Variants in PIK3C2A observed in about 807,000 individuals in gnomAD.
The protein encoded by PIK3C2A is phosphatidylinositol-4-phosphate 3-kinase catalytic subunit type 2 alpha.
PIK3C2A carries 97 observed loss-of-function variants against 204.5 expected under a neutral mutation model. The observed-to-expected ratio is 0.47, with a 90% CI of 0.40 to 0.56. The LOEUF (loss-of-function observed/expected upper bound fraction) is 0.56. PIK3C2A is among the 20% of genes least tolerant of loss of function. The probability of loss-of-function intolerance (pLI) is 0.00; values close to 1 mark genes in which losing one functional copy is unlikely to be tolerated. For synonymous variants in PIK3C2A, 653 were observed against 664.4 expected, an observed-to-expected ratio of 0.98 and a Z score of 0.26; for missense variants, 1,735 against 1,969.2, an observed-to-expected ratio of 0.88 and a Z score of 2.25.
intron 24 of PIK3C2A, 147 bp from the exon 25 acceptor site, chr11:17,101,581 T>G (rs375774815): frequency 2.3e-6 from 1 of 429,906 alleles, no homozygotes; most frequent in African/African-American, 2.0e-5. Flanking sequence ...TTCCATAATT[T>G]TAAAATAACA....
chr11:17,121,535 T>C (rs1300449430), intron 15 of PIK3C2A, among the ~76,000 whole-genome samples: 2 of 152,238 alleles, frequency 1.3e-5, no homozygotes, highest in Admixed American at 6.5e-5. Context: ...AATATACACA[T>C]TATAACCTTG....
chr11:17,192,460 G>A (rs1851977793), intron 1 of PIK3C2A, among the ~76,000 whole-genome samples: 1 of 151,994 alleles, frequency 6.6e-6, no homozygotes, highest in Non-Finnish European at 1.5e-5. Context: ...TGTATTTTTT[G>A]TATTTTTGAG....
At chr11:17,138,654 G>A (rs1849956653) in intron 8 of PIK3C2A, among the ~76,000 whole-genome samples, 1 of 152,106 alleles carries the variant, frequency 6.6e-6, no homozygotes, top group Admixed American at 6.6e-5. Flanking sequence ...TCCTTTAAAA[G>A]GCCAGTTAGT....
At chr11:17,092,782 C>G (rs914098309) in intron 28 of PIK3C2A, among the ~76,000 whole-genome samples, 1 of 152,130 alleles carries the variant, frequency 6.6e-6, no homozygotes, top group Non-Finnish European at 1.5e-5. Context: ...TGTTGATTTC[C>G]TATATTTATT....
chr11:17,177,057 A>T (rs1851361770), intron 1 of PIK3C2A, among the ~76,000 whole-genome samples: 1 of 152,190 alleles, frequency 6.6e-6, no homozygotes, highest in South Asian at 2.1e-4. Context: ...AGCAGCTAGC[A>T]AGTGGTGAAA....
At chr11:17,139,943 G>A (rs760321884) in intron 8 of PIK3C2A, among the ~76,000 whole-genome samples, 2 of 152,072 alleles carry the variant, frequency 1.3e-5, no homozygotes, top group African/African-American at 4.8e-5. Flanking sequence ...AAACTTCCAC[G>A]GCACCTAAAA....
intron 13 of PIK3C2A, 122 bp downstream of exon 13, chr11:17,129,178 A>G: frequency 4.2e-6 from 3 of 710,532 alleles, no homozygotes; most frequent in Middle Eastern, 5.0e-4. Context: ...TTATCACATT[A>G]GAAAAACTGA....
intron 1 of PIK3C2A, among the ~76,000 whole-genome samples, chr11:17,205,118 A>G (rs1852519874): frequency 6.6e-6 from 1 of 151,944 alleles, no homozygotes; most frequent in Non-Finnish European, 1.5e-5. Flanking sequence ...CAAAAGTTTC[A>G]GTGAGCTGAG....
Position 17,122,703 on chromosome 11 carries a change from T to G in PIK3C2A, c.2510A>C (p.Gln837Pro). ...CTACATGTCAAGAAGTACCATTACCTGTAGCACTATTCTTTCCATGACATA... is the reference window on the plus strand; with the variant it reads ...CTACATGTCAAGAAGTACCATTACCGGTAGCACTATTCTTTCCATGACATA... The part of the protein sequence containing the change: ...KGYVMERIVL[Q>P]VDFPSPAFDI... Residue 837 changes from glutamine to proline, a missense_variant and splice_region_variant, in exon 14 of 33, where the codon CAG becomes CCG. Gln to Pro is a moderately conservative substitution (Grantham distance 76). This residue lies in a region of PIK3C2A where 567 missense variants were observed against 576.0 expected (regional missense o/e 0.98). Coordinates refer to ENST00000691414, the MANE Select transcript of PIK3C2A (RefSeq NM_002645.4). The G allele has an allele frequency of 7.9e-7, 1 of 1,273,122 alleles. No homozygotes were observed. Among genetic ancestry groups the G allele is most frequent in the Non-Finnish European group, 1.1e-6 (1 of 874,394 alleles). 78.9% of individuals were successfully genotyped at this position (1,273,122 alleles called of 1,614,324 possible).
chr11:17,160,782 C>G (rs1488466590), intron 2 of PIK3C2A, among the ~76,000 whole-genome samples: 1 of 122,962 alleles, frequency 8.1e-6, no homozygotes, highest in Admixed American at 7.8e-5. Context: ...CGAGGTTGCA[C>G]CATTACACTC....
chr11:17,116,635 G>C (rs1412850868), intron 19 of PIK3C2A, among the ~76,000 whole-genome samples: 4 of 151,790 alleles, frequency 2.6e-5, no homozygotes, highest in South Asian at 4.2e-4. Context: ...TGTCGCCCAG[G>C]CTGGAGTATA....
intron 17 of PIK3C2A, 74 bp from the exon 18 acceptor site, chr11:17,118,813 G>C: frequency 1.4e-6 from 1 of 710,970 alleles, no homozygotes; most frequent in Non-Finnish European, 2.4e-6. Context: ...TATCAAAAGA[G>C]AAACTATATA....
chr11:17,174,311 GGCGC>G (rs1851269283), intron 1 of PIK3C2A, among the ~76,000 whole-genome samples: 1 of 28,096 alleles, frequency 3.6e-5, no homozygotes, highest in Non-Finnish European at 6.7e-5. Context: ...ACAGCGGCCG[GGCGC>G]GGTGGCTCAC....
At chr11:17,104,058 A>G (rs1324954205) in intron 23 of PIK3C2A, among the ~76,000 whole-genome samples, 1 of 152,204 alleles carries the variant, frequency 6.6e-6, no homozygotes, top group Admixed American at 6.5e-5. Flanking sequence ...TGGCACGTGT[A>G]TGTCTATAAA....
intron 8 of PIK3C2A, among the ~76,000 whole-genome samples, chr11:17,139,352 C>T (rs956465590): frequency 1.3e-5 from 2 of 152,070 alleles, no homozygotes; most frequent in African/African-American, 2.4e-5. Flanking sequence ...CTCAGCCTCC[C>T]GAGAAGGTGG....
At chr11:17,192,099 C>T (rs952045354) in intron 1 of PIK3C2A, among the ~76,000 whole-genome samples, 6 of 152,018 alleles carry the variant, frequency 3.9e-5, no homozygotes, top group African/African-American at 9.7e-5. Context: ...AAGCGGAGAT[C>T]GCACCACTGC....
intron 2 of PIK3C2A, among the ~76,000 whole-genome samples, chr11:17,166,382 A>G (rs376954108): frequency 1.3e-5 from 2 of 152,228 alleles, no homozygotes; most frequent in Non-Finnish European, 2.9e-5. Context: ...AGCTTTGGAC[A>G]GTAAATAACC....
intron 19 of PIK3C2A, among the ~76,000 whole-genome samples, chr11:17,115,937 G>A (rs1468915747): frequency 6.6e-6 from 1 of 152,044 alleles, no homozygotes; most frequent in Non-Finnish European, 1.5e-5. Context: ...AACTAGAAAA[G>A]CTTAGAAGAA....
intron 26 of PIK3C2A, among the ~76,000 whole-genome samples, 193 bp downstream of exon 26, chr11:17,099,667 A>T (rs535106401): frequency 2.3e-4 from 35 of 152,362 alleles, no homozygotes; most frequent in Non-Finnish European, 2.2e-4. Flanking sequence ...AGTATATTTT[A>T]AAAAATATTA....
Sources: allele counts gnomAD v4.1 joint callset (sites outside exome capture counted in the v4.1 genomes callset), GRCh38; gene constraint gnomAD v4.1.1; regional missense constraint gnomAD v4.1.1; transcripts MANE v1.5; gene names NCBI Gene and HGNC (gene_info 2026-07-23, HGNC 2026-07-21).